The following GRIP2 variants were observed in gnomAD, a reference collection of about 807,000 sequenced individuals.
GRIP2 encodes glutamate receptor interacting protein 2, also known as glutamate receptor-interacting protein 2.
Under a neutral mutation model 108.3 loss-of-function variants are expected in GRIP2, and 58 were observed. That is an observed-to-expected ratio of 0.54 (90% CI 0.43 to 0.67). The LOEUF (loss-of-function observed/expected upper bound fraction) is 0.67. GRIP2 is among the 30% of genes least tolerant of loss of function. The pLI, the probability that GRIP2 is intolerant of heterozygous loss-of-function variation, is 0.00. For synonymous variants in GRIP2, 586 were observed against 598.2 expected, an observed-to-expected ratio of 0.98 and a Z score of 0.30; for missense variants, 1,278 against 1,430.6, an observed-to-expected ratio of 0.89 and a Z score of 1.72.
intron 9 of GRIP2, among the ~76,000 whole-genome samples, chr3:14,519,198 G>T (rs900722427): frequency 6.6e-6 from 1 of 152,196 alleles, no homozygotes; most frequent in Non-Finnish European, 1.5e-5. Context: ...ATTCAGTGTG[G>T]CTTTTTCAGA....
chr3:14,538,877 G>A lies in GRIP2; in HGVS notation c.40+1392C>T, dbSNP rs368490398. Among the ~76,000 whole-genome samples the A allele has an allele frequency of 1.1e-4, 16 of 152,364 alleles. No individual in the cohort carries two copies. In the East Asian group the frequency reaches 2.3e-3, roughly 22 times the overall value. The stretch of plus-strand genomic sequence containing the variant: ...GTTGATGCTGACCCTGGGCCGAGGT[G>A]GAGGTCACAGGCCCATGAGGAGGGG... On this transcript the variant is annotated intron_variant, in intron 1 of 23. Coordinates refer to ENST00000621039, the MANE Select transcript of GRIP2 (RefSeq NM_001080423.4).
upstream of GRIP2, among the ~76,000 whole-genome samples, chr3:14,543,593 C>T (rs1405540995): frequency 6.6e-6 from 1 of 152,252 alleles, no homozygotes; most frequent in Admixed American, 6.5e-5. Context: ...ATGCTGCCAA[C>T]TTCAGGGAAG....
intron 1 of GRIP2, among the ~76,000 whole-genome samples, chr3:14,527,742 A>C (rs1247268988): frequency 6.6e-6 from 1 of 151,924 alleles, no homozygotes; most frequent in Non-Finnish European, 1.5e-5. Context: ...CTGAAAATAC[A>C]AAAATTAGGG....
chr3:14,541,840 ACT>A, upstream of GRIP2: 1 of 1,286,624 alleles, frequency 7.8e-7, no homozygotes, highest in Non-Finnish European at 1.0e-6. Context: ...TTCCTGGACG[ACT>A]CAAATCATGC....
intron 4 of GRIP2, chr3:14,524,015 T>C (rs890349714): frequency 2.3e-5 from 11 of 479,128 alleles, no homozygotes; most frequent in African/African-American, 1.7e-4. Context: ...TTCAAGACTT[T>C]AGACCAGCTT....
At position 14,523,599 on chromosome 3, in the gene GRIP2, T is replaced by C. The variant is rs2124926119; in HGVS notation, c.490+13A>G. The C allele has an allele frequency of 1.3e-6, 2 of 1,583,846 alleles. No homozygotes were observed. The highest frequency in any genetic ancestry group is 8.7e-7 in the Non-Finnish European group (1 of 1,155,152). On this transcript the variant is annotated intron_variant, in intron 5 of 23. Transcript: ENST00000621039. ...CTTGCTGCCCCAATACCAAGGGCAA[T>C]TCTTTCACTGACCTCTAAGGACAAA...
Position 14,517,809 on chromosome 3 carries a change from G to C in GRIP2, c.1119C>G (p.Pro373=). The change falls in exon 10 of 24, where the codon CCC becomes CCG. Residue 373 remains proline, a synonymous_variant. Coordinates refer to ENST00000621039, the MANE Select transcript of GRIP2 (RefSeq NM_001080423.4). ...CCTGGCCAGCAGGTGTGGCCCAGGT[G>C]GGCATCCTGCAGTGGCCGGGCCGGG... ...HSPRPGHCRM[P]TWATPAGQDQ... 1.2e-6 allele frequency: 2 copies of C among 1,608,226 alleles called. No individual in the cohort carries two copies. The highest frequency in any genetic ancestry group is 1.1e-5 in the South Asian group (1 of 89,798).
At chr3:14,563,314 C>A in the GRIP2 span, among the ~76,000 whole-genome samples, 1 of 151,846 alleles carries the variant, frequency 6.6e-6, no homozygotes, top group East Asian at 1.9e-4. Context: ...TAAAATGCCT[C>A]AAGGGTATTT....
At chr3:14,517,675 T>C in intron 10 of GRIP2, 97 bp downstream of exon 10, 1 of 1,477,536 alleles carries the variant, frequency 6.8e-7, no homozygotes, top group East Asian at 2.4e-5. Context: ...CTCACTAATC[T>C]CTGAGTCTGA....
At chr3:14,580,521 C>A in the GRIP2 span, among the ~76,000 whole-genome samples, 1 of 152,182 alleles carries the variant, frequency 6.6e-6, no homozygotes, top group African/African-American at 2.4e-5. Context: ...CATAGTGAGA[C>A]CTTGTCTCTA....
At chr3:14,524,563 C>T (rs1363758624) in intron 3 of GRIP2, 25 bp from the exon 4 acceptor site, 2 of 1,549,292 alleles carry the variant, frequency 1.3e-6, no homozygotes, top group South Asian at 1.2e-5. Flanking sequence ...CCAGGGCACA[C>T]ATGGTAACAG....
At chr3:14,504,147 C>T (rs149823290) in intron 20 of GRIP2, among the ~76,000 whole-genome samples, 233 of 152,202 alleles carry the variant, frequency 1.5e-3, no homozygotes, top group African/African-American at 5.3e-3. Context: ...GTCGAGACCA[C>T]CCATAACTCC....
intron 1 of GRIP2, among the ~76,000 whole-genome samples, chr3:14,554,279 G>C (rs1258203712): frequency 2.6e-5 from 4 of 152,284 alleles, no homozygotes; most frequent in African/African-American, 9.6e-5. Context: ...AGCATTTCCT[G>C]CATCTCCAAG....
chr3:14,570,532 A>T, the GRIP2 span, among the ~76,000 whole-genome samples: 2 of 152,222 alleles, frequency 1.3e-5, no homozygotes, highest in African/African-American at 4.8e-5. Context: ...CTGGACAGTG[A>T]TTTTTACGTT....
At chr3:14,528,727 T>C (rs7634422) in intron 1 of GRIP2, among the ~76,000 whole-genome samples, 62,252 of 151,506 alleles carry the variant, frequency 0.41, 13,920 homozygotes, top group South Asian at 0.61. Context: ...CTAATACATG[T>C]GCAGAGGTAT....
the GRIP2 span, among the ~76,000 whole-genome samples, chr3:14,582,672 T>C: frequency 6.6e-6 from 1 of 152,222 alleles, no homozygotes; most frequent in Non-Finnish European, 1.5e-5. Context: ...TATTTGTGCA[T>C]GCAGTTCCTT....
At chr3:14,514,166 ATGGGGCTGGTGC>A (rs1694179266) in intron 12 of GRIP2, 114 bp downstream of exon 12, 1 of 917,554 alleles carries the variant, frequency 1.1e-6, no homozygotes, top group Non-Finnish European at 1.6e-6. Context: ...CATCTGTAAA[ATGGGGCTGGTGC>A]TGGGGCTGAT....
the GRIP2 span, chr3:14,574,605 T>A: frequency 5.8e-6 from 4 of 691,654 alleles, no homozygotes; most frequent in South Asian, 6.2e-5. Context: ...CAGCTCTTCA[T>A]GGAGGATACC....
Position 14,524,467 on chromosome 3 carries a change from T to C in GRIP2, c.329A>G (p.Asp110Gly), listed in dbSNP as rs1694499503. 6.3e-7 allele frequency: 1 copy of C among 1,590,224 alleles called. No homozygotes were observed. Among genetic ancestry groups the C allele is most frequent in the Admixed American group, 1.8e-5 (1 of 56,610 alleles). Residue 110 changes from aspartate to glycine, a missense_variant, in exon 4 of 24, where the codon GAT becomes GGT. Coordinates refer to ENST00000621039, the MANE Select transcript of GRIP2 (RefSeq NM_001080423.4). ...NGIHLTRLRH[D>G]EIITLLKNVG... ...ATTCTTGAGCAGGGTGATGATCTCA[T>C]CGTGGCGGAGCCTGGTCAGGTGGAT... is the stretch of plus-strand genomic sequence containing the variant.
Sources: gnomAD v4.1 joint callset for allele counts (sites outside exome capture counted in the v4.1 genomes callset) on GRCh38, gnomAD v4.1.1 for gene constraint, MANE v1.5 for transcripts, NCBI Gene and HGNC (gene_info 2026-07-23, HGNC 2026-07-21) for gene names.